Variants in WASF3 observed in about 807,000 individuals in gnomAD.
WASF3 encodes actin-binding protein WASF3.
In WASF3, 11 loss-of-function variants were observed where a neutral mutation model predicts 46.6. That is an observed-to-expected ratio of 0.24 (90% CI 0.15 to 0.39). The LOEUF (loss-of-function observed/expected upper bound fraction) is 0.39, where lower values mean the gene tolerates loss of function less well. Ranked by LOEUF, WASF3 falls within the 10% of genes least tolerant of loss-of-function variation. The pLI, the probability that WASF3 is intolerant of heterozygous loss-of-function variation, is 1.00. For synonymous variants in WASF3, 242 were observed against 259.7 expected (o/e 0.93, Z 0.65); for missense variants, 576 against 669.8 (o/e 0.86, Z 1.55).
In WASF3 at chr13:26,687,914, G is replaced by A. The variant is rs1283887234; in HGVS notation, c.*2069G>A. 2 of 152,062 alleles carry A rather than the reference G, an allele frequency of 1.3e-5. No individual in the cohort carries two copies. Among genetic ancestry groups the A allele is most frequent in the Non-Finnish European group, 2.9e-5 (2 of 68,020 alleles). The allele number at this position is 152,062 out of a possible 1,614,324, so 9.4% of individuals were successfully genotyped here. On this transcript the variant is annotated 3_prime_UTR_variant, in exon 10 of 10. Coordinates refer to ENST00000335327, the MANE Select transcript of WASF3 (RefSeq NM_006646.6). ...GGCCCTTCTGTTCTCAGGATGGAGA[G>A]AACACAGAAGCTACTATCCATGTCA...
chr13:26,661,309 A>G (rs1418757235), intron 3 of WASF3, among the ~76,000 whole-genome samples: 4 of 152,172 alleles, frequency 2.6e-5, no homozygotes, highest in African/African-American at 9.7e-5. Context: ...GGCAACCACC[A>G]TTCTCCTGTC....
intron 1 of WASF3, among the ~76,000 whole-genome samples, chr13:26,564,936 A>G (rs1055844414): frequency 3.2e-5 from 1 of 31,162 alleles, no homozygotes; most frequent in African/African-American, 1.2e-4. Context: ...CTGTTTTGTT[A>G]CATAGTCCTG....
chr13:26,543,012 T>C, the WASF3 span, among the ~76,000 whole-genome samples: 1 of 152,196 alleles, frequency 6.6e-6, no homozygotes, highest in African/African-American at 2.4e-5. Flanking sequence ...AAGTAGGTAA[T>C]GAACAGTAAA....
At chr13:26,680,869 G>A (rs1423376959) in intron 7 of WASF3, among the ~76,000 whole-genome samples, 185 bp from the exon 8 acceptor site, 1 of 152,128 alleles carries the variant, frequency 6.6e-6, no homozygotes, top group African/African-American at 2.4e-5. Context: ...GCTTGCTGCC[G>A]ACTTATAATA....
chr13:26,662,817 A>T (rs1882668038), intron 3 of WASF3, among the ~76,000 whole-genome samples: 1 of 152,214 alleles, frequency 6.6e-6, no homozygotes, highest in Non-Finnish European at 1.5e-5. Context: ...ATTATTTTTT[A>T]AAAAACCGGG....
chr13:26,667,561 A>G lies in WASF3; in HGVS notation c.313A>G (p.Thr105Ala). 1.2e-6 allele frequency: 2 copies of G among 1,614,076 alleles called. No individual in the cohort carries two copies. The highest frequency in any genetic ancestry group is 1.3e-5 in the African/African-American group (1 of 75,042). Residue 105 changes from threonine to alanine, a missense_variant, in exon 5 of 10, where the codon ACA becomes GCA. Coordinates refer to ENST00000335327, the MANE Select transcript of WASF3 (RefSeq NM_006646.6). ...INMKKAFKSS[T>A]VQDQQVVSKN... ...CATGAAAAAAGCTTTCAAAAGTTCC[A>G]CAGTCCAAGACCAGCAAGTGGTTTC...
intron 1 of WASF3, among the ~76,000 whole-genome samples, chr13:26,562,885 G>T (rs1257121967): frequency 4.8e-4 from 2 of 4,208 alleles, no homozygotes; most frequent in South Asian, 6.7e-3. Context: ...CTTCCCCTTC[G>T]CCTCCCTCCC....
chr13:26,662,829 A>G (rs1442721800), intron 3 of WASF3, among the ~76,000 whole-genome samples: 2 of 152,122 alleles, frequency 1.3e-5, no homozygotes, highest in Non-Finnish European at 1.5e-5. Flanking sequence ...AAAACCGGGG[A>G]AAAAAGAAAT....
chr13:26,608,539 T>A (rs1177056623), intron 1 of WASF3, among the ~76,000 whole-genome samples: 1 of 152,186 alleles, frequency 6.6e-6, no homozygotes, highest in African/African-American at 2.4e-5. Context: ...CCCCACCAGA[T>A]AAACTTTCTG....
intron 1 of WASF3, among the ~76,000 whole-genome samples, chr13:26,581,708 G>C (rs1348136104): frequency 6.6e-6 from 1 of 152,060 alleles, no homozygotes; most frequent in African/African-American, 2.4e-5. Flanking sequence ...GAGTCTCTTG[G>C]CTTTTTTAAA....
At chr13:26,662,695 A>C (rs900712660) in intron 3 of WASF3, among the ~76,000 whole-genome samples, 2 of 152,218 alleles carry the variant, frequency 1.3e-5, no homozygotes, top group Non-Finnish European at 2.9e-5. Context: ...TCTCTTGGAT[A>C]CTGTGTTCAC....
chr13:26,635,288 A>G (rs1251327542), intron 2 of WASF3, among the ~76,000 whole-genome samples: 4 of 152,150 alleles, frequency 2.6e-5, no homozygotes, highest in Non-Finnish European at 5.9e-5. Context: ...CAGCTATTGA[A>G]GCTTGTGCAT....
At chr13:26,546,247 C>A in the WASF3 span, among the ~76,000 whole-genome samples, 1 of 152,152 alleles carries the variant, frequency 6.6e-6, no homozygotes, top group Non-Finnish European at 1.5e-5. Context: ...GAAGCAAAAA[C>A]GCTTGAAGCA....
At chr13:26,587,174 G>C (rs1246520246) in intron 1 of WASF3, among the ~76,000 whole-genome samples, 1 of 135,570 alleles carries the variant, frequency 7.4e-6, no homozygotes, top group African/African-American at 2.7e-5. Flanking sequence ...CATTTTTTTT[G>C]CTTTTTTTTT....
chr13:26,672,262 G>C (rs959400783), intron 6 of WASF3, among the ~76,000 whole-genome samples: 1 of 152,118 alleles, frequency 6.6e-6, no homozygotes, highest in Non-Finnish European at 1.5e-5. Context: ...CCTCTCCTGC[G>C]TTCTCAAATT....
At chr13:26,650,234 A>T (rs999495390) in intron 3 of WASF3, among the ~76,000 whole-genome samples, 2 of 152,090 alleles carry the variant, frequency 1.3e-5, no homozygotes, top group African/African-American at 4.8e-5. Context: ...ACCTGAGGGG[A>T]AGCGGGAGTG....
chr13:26,605,775 C>G (rs1012796740), intron 1 of WASF3, among the ~76,000 whole-genome samples: 3 of 152,170 alleles, frequency 2.0e-5, no homozygotes, highest in African/African-American at 7.2e-5. Context: ...ATTATATTTA[C>G]TACGGATTTC....
At chr13:26,568,697 A>G (rs1879545572) in intron 1 of WASF3, among the ~76,000 whole-genome samples, 2 of 152,314 alleles carry the variant, frequency 1.3e-5, no homozygotes, top group Middle Eastern at 3.4e-3. Context: ...ATCTCAGCTC[A>G]GCAGGATACA....
rs755373486 is a variant in WASF3, at chr13:26,682,852, C to T, written c.1229C>T (p.Pro410Leu). 2.5e-6 allele frequency: 4 copies of T among 1,611,620 alleles called. No homozygotes were observed. The highest frequency in any genetic ancestry group is 2.2e-5 in the South Asian group (2 of 91,050). ...CCTCCCCCGCCAGGCCCTCCTGGTC[C>T]CGGGTCTTCTCTTTCGTCCTCCCCA... ...PPPPPPGPPG[P>L]GSSLSSSPMH... Residue 410 changes from proline to leucine, a missense_variant, in exon 9 of 10, where the codon CCC becomes CTC. Physicochemically the swap from Pro to Leu is moderately conservative, Grantham distance 98 (BLOSUM62 -3). Around this residue, in one of 3 missense-constraint regions of WASF3, gnomAD observed 295 missense variants for 291.5 expected, o/e 1.01. Coordinates refer to ENST00000335327, the MANE Select transcript of WASF3 (RefSeq NM_006646.6). This position sits in a 1 kb window ranked among gnomAD's most constrained non-coding sequence, Gnocchi z 4.4.
Sources: gnomAD v4.1 joint callset for allele counts (sites outside exome capture counted in the v4.1 genomes callset) on GRCh38, gnomAD v4.1.1 for gene constraint, gnomAD v4.1.1 regional missense constraint, Gnocchi (gnomAD v3.1) non-coding constraint, MANE v1.5 for transcripts, NCBI Gene and HGNC (gene_info 2026-07-23, HGNC 2026-07-21) for gene names.